CAMK2B: variants seen among roughly 807,000 people sequenced by gnomAD.
The protein encoded by CAMK2B is calcium/calmodulin dependent protein kinase II beta, also known as calcium/calmodulin-dependent protein kinase type II subunit beta.
A neutral mutation model predicts 93.7 loss-of-function variants in CAMK2B; 27 were observed. The observed-to-expected ratio is 0.29, with a 90% CI of 0.21 to 0.40. The LOEUF (loss-of-function observed/expected upper bound fraction) is 0.40, where lower values mean the gene tolerates loss of function less well. CAMK2B is among the 10% of genes least tolerant of loss of function. CAMK2B has a pLI of 1.00. For missense variants in CAMK2B, 568 were observed against 895.8 expected, an observed-to-expected ratio of 0.63 and a Z score of 4.67; for synonymous variants, 374 against 358.8, an observed-to-expected ratio of 1.04 and a Z score of -0.48.
chr7:44,292,045 AT>A (rs1393162132), intron 1 of CAMK2B, among the ~76,000 whole-genome samples: 1 of 152,060 alleles, frequency 6.6e-6, no homozygotes, highest in Non-Finnish European at 1.5e-5. Context: ...ACAGATATTT[AT>A]TTTCTTACAG....
intron 1 of CAMK2B, among the ~76,000 whole-genome samples, chr7:44,306,623 T>C (rs1019003821): frequency 5.9e-5 from 9 of 152,228 alleles, no homozygotes; most frequent in Admixed American, 5.2e-4. Context: ...CTCTTAGCCC[T>C]GGACCCAGCC....
chr7:44,285,316 G>A (rs958159742), intron 1 of CAMK2B, among the ~76,000 whole-genome samples: 3 of 152,216 alleles, frequency 2.0e-5, no homozygotes, highest in Non-Finnish European at 4.4e-5. Flanking sequence ...AAGGGCCAGC[G>A]GATGCTCTCA....
rs779949267 is a variant in CAMK2B at position 44,232,852 on chromosome 7, G to T, written c.1146C>A (p.Thr382=). ...LPPAALEPQT[T]VIHNPVDGIK... is the part of the protein sequence containing the mutation. ...TCCCGTCCACTGGGTTATGGATGAC[G>T]GTGGTTTGAGGCTCCTACAGAAGAA... The change falls in exon 16 of 24, where the codon ACC becomes ACA. Residue 382 remains threonine (T), a synonymous_variant. Coordinates refer to ENST00000395749, the MANE Select transcript of CAMK2B (RefSeq NM_001220.5). The T allele has an allele frequency of 1.2e-6, 2 of 1,614,018 alleles. No individual in the cohort carries two copies. The highest frequency in any genetic ancestry group is 8.5e-7 in the Non-Finnish European group (1 of 1,179,926).
Position 44,225,115 on chromosome 7 carries a change from C to T in CAMK2B, c.1597+1401G>A, listed in dbSNP as rs1286391472. Among the ~76,000 whole-genome samples the T allele has an allele frequency of 2.0e-5, 3 of 152,004 alleles. No individual in the cohort carries two copies. The highest frequency in any genetic ancestry group is 6.5e-5 in the Admixed American group (1 of 15,278). On this transcript the variant is annotated intron_variant, in intron 20 of 23. Transcript: ENST00000395749. This position sits in a 1 kb window ranked among gnomAD's most constrained non-coding sequence, Gnocchi z 5.0. ...CTGAAGGTGAGCCTGGACACCGAGC[C>T]CCGAGCTGGCCACTCCACACCCACC...
Position 44,313,047 on chromosome 7 carries a change from T to C in CAMK2B, c.65+12310A>G, listed in dbSNP as rs1388922479. Among the ~76,000 whole-genome samples the C allele has an allele frequency of 2.0e-5, 3 of 152,198 alleles. No homozygotes were observed. In the East Asian group the frequency reaches 5.8e-4, roughly 30 times the overall value. ...AGGGAGACAGCAGGACCCTCGGGGC[T>C]GGTGCGCTTCCTCAGCAGCGGCCTT... On this transcript the variant is annotated intron_variant, in intron 1 of 23. Transcript: ENST00000395749.
chr7:44,301,981 A>C (rs1388189179), intron 1 of CAMK2B, among the ~76,000 whole-genome samples: 1 of 152,212 alleles, frequency 6.6e-6, no homozygotes, highest in Non-Finnish European at 1.5e-5. Context: ...TGAGAAGATC[A>C]ATAAAATTGG....
chr7:44,218,732 C>T lies in CAMK2B; in HGVS notation c.*793G>A, dbSNP rs2096363386. The T allele has an allele frequency of 6.6e-6, 1 of 152,354 alleles. No individual in the cohort carries two copies. Among genetic ancestry groups the T allele is most frequent in the Non-Finnish European group, 1.5e-5 (1 of 68,140 alleles). 9.4% of individuals were successfully genotyped at this position (152,354 alleles called of 1,614,324 possible). On this transcript the variant is annotated 3_prime_UTR_variant, in exon 24 of 24. Coordinates refer to ENST00000395749, the MANE Select transcript of CAMK2B (RefSeq NM_001220.5). ...AAGCTGTGCCCCTCTTTGCACTTTA[C>T]TCCCCCAGAAGGACCAGAGCTGGAG...
chr7:44,231,324 C>G (rs1260942329), intron 16 of CAMK2B, among the ~76,000 whole-genome samples: 1 of 152,166 alleles, frequency 6.6e-6, no homozygotes, highest in East Asian at 1.9e-4. Flanking sequence ...GCGCCCCTCA[C>G]CAGGGTGCAT....
chr7:44,249,938 G>T (rs973323135), intron 5 of CAMK2B, among the ~76,000 whole-genome samples: 8 of 152,138 alleles, frequency 5.3e-5, no homozygotes, highest in Non-Finnish European at 7.4e-5. Flanking sequence ...TGCCAGAGAC[G>T]GGGACTATGG....
Position 44,325,467 on chromosome 7 carries a change from GC to G in CAMK2B, c.-47del, listed in dbSNP as rs1797313295. The G allele has an allele frequency of 2.0e-6, 2 of 1,020,492 alleles. No individual in the cohort carries two copies. Among genetic ancestry groups the G allele is most frequent in the Non-Finnish European group, 2.4e-6 (2 of 843,626 alleles). 63.2% of individuals were successfully genotyped at this position (1,020,492 alleles called of 1,614,324 possible). The stretch of plus-strand genomic sequence containing the variant: ...GCGTGCGCTCGGCTGCGCTCGGGCG[GC>G]GGCGACTCCGGCTCCCGCTCGCGGG... On this transcript the variant is annotated 5_prime_UTR_variant, in exon 1 of 24. Transcript: ENST00000395749.
At chr7:44,283,023 T>C (rs2129098746) in intron 2 of CAMK2B, among the ~76,000 whole-genome samples, 1 of 152,288 alleles carries the variant, frequency 6.6e-6, no homozygotes, top group Non-Finnish European at 1.5e-5. Flanking sequence ...CCCTCCTCCA[T>C]GGAACCCCAC....
chr7:44,319,377 C>T (rs1209134516), intron 1 of CAMK2B, among the ~76,000 whole-genome samples: 1 of 152,118 alleles, frequency 6.6e-6, no homozygotes, highest in East Asian at 1.9e-4. Flanking sequence ...AATATAGACT[C>T]TTTAAAGGCC....
At chr7:44,251,202 G>A (rs1252858543) in intron 5 of CAMK2B, among the ~76,000 whole-genome samples, 3 of 152,156 alleles carry the variant, frequency 2.0e-5, no homozygotes, top group African/African-American at 7.2e-5. Context: ...CCTGTCCCGC[G>A]CCTGTCCTTT....
intron 16 of CAMK2B, among the ~76,000 whole-genome samples, 162 bp from the exon 17 acceptor site, chr7:44,231,216 G>A (rs530005591): frequency 2.6e-5 from 4 of 152,352 alleles, no homozygotes; most frequent in South Asian, 2.1e-4. Context: ...CAGGGGCTCA[G>A]GGGACATGCC....
intron 1 of CAMK2B, among the ~76,000 whole-genome samples, chr7:44,309,852 C>G (rs1239472744): frequency 6.6e-6 from 1 of 152,260 alleles, no homozygotes; most frequent in Non-Finnish European, 1.5e-5. Context: ...CGCAGCCTTG[C>G]AGCGACCTTC....
chr7:44,314,418 G>C (rs1794351355), intron 1 of CAMK2B, among the ~76,000 whole-genome samples: 2 of 152,284 alleles, frequency 1.3e-5, no homozygotes, highest in African/African-American at 4.8e-5. Context: ...ATGACGTTTT[G>C]AACGTTCGTC....
At chr7:44,275,155 A>T (rs2097021041) in intron 2 of CAMK2B, among the ~76,000 whole-genome samples, 1 of 151,646 alleles carries the variant, frequency 6.6e-6, no homozygotes. Context: ...TCCCTGGCTC[A>T]GGGGTTCCTC....
intron 1 of CAMK2B, among the ~76,000 whole-genome samples, chr7:44,320,437 C>G (rs1455405401): frequency 6.6e-6 from 1 of 152,062 alleles, no homozygotes; most frequent in Non-Finnish European, 1.5e-5. Flanking sequence ...AAATCCTGAC[C>G]CTGTGTGACC....
chr7:44,241,920 C>T (rs2096683099), intron 10 of CAMK2B, 137 bp from the exon 11 acceptor site: 1 of 715,278 alleles, frequency 1.4e-6, no homozygotes, highest in South Asian at 1.7e-5. Context: ...GTTGTCTGTC[C>T]CCACCCGCCT....
Sources: allele counts gnomAD v4.1 joint callset (sites outside exome capture counted in the v4.1 genomes callset), GRCh38; gene constraint gnomAD v4.1.1; non-coding constraint Gnocchi (gnomAD v3.1); transcripts MANE v1.5; gene names NCBI Gene and HGNC (gene_info 2026-07-23, HGNC 2026-07-21).